Variants in FAM120B observed in about 807,000 individuals in gnomAD.
The protein encoded by FAM120B is constitutive coactivator of peroxisome proliferator-activated receptor gamma.
Under a neutral mutation model 96.3 loss-of-function variants are expected in FAM120B, and 83 were observed. That is an observed-to-expected ratio of 0.86 (90% CI 0.72 to 1.03). FAM120B has a LOEUF of 1.03. Ranked by LOEUF, FAM120B falls within the 50% of genes least tolerant of loss-of-function variation. The pLI, the probability that FAM120B is intolerant of heterozygous loss-of-function variation, is 0.00. For missense variants in FAM120B, 1,027 were observed against 1,121.2 expected (o/e 0.92, Z 1.20); for synonymous variants, 407 against 402.7 (o/e 1.01, Z -0.13).
intron 9 of FAM120B, among the ~76,000 whole-genome samples, chr6:170,397,154 T>A (rs898664966): frequency 2.6e-5 from 4 of 152,100 alleles, no homozygotes; most frequent in Non-Finnish European, 5.9e-5. Context: ...TTAGGGCTGC[T>A]TGGGAAGAGT....
At chr6:170,377,272 C>T (rs1229189677) in intron 6 of FAM120B, among the ~76,000 whole-genome samples, 2 of 112,992 alleles carry the variant, frequency 1.8e-5, no homozygotes, top group Non-Finnish European at 3.4e-5. Context: ...TCACGCTGCT[C>T]GGTGCTGTGC....
chr6:170,314,393 A>G lies in FAM120B; in HGVS notation c.-21-2977A>G, dbSNP rs1303503436. On this transcript the variant is annotated intron_variant, in intron 1 of 10. Transcript: ENST00000476287. ...CAAATACTGGGCCTGTCCCATGCAG[A>G]TGTTGTGCTAGGTGCTGGAATAAGA... Among the ~76,000 whole-genome samples, 37 of 152,144 alleles carry G rather than the reference A, an allele frequency of 2.4e-4. 1 individual carries two copies. The highest frequency in any genetic ancestry group is 2.4e-3 in the Admixed American group (37 of 15,276).
intron 1 of FAM120B, among the ~76,000 whole-genome samples, chr6:170,310,395 A>G (rs570243325): frequency 6.6e-6 from 1 of 152,372 alleles, no homozygotes; most frequent in Non-Finnish European, 1.5e-5. Context: ...AACATCCCAC[A>G]GGGTGGCTCT....
intron 9 of FAM120B, among the ~76,000 whole-genome samples, chr6:170,397,840 A>G (rs777183609): frequency 1.2e-4 from 19 of 152,262 alleles, no homozygotes; most frequent in East Asian, 7.7e-4. Flanking sequence ...AGCAGAACCC[A>G]CCTGACCCAG....
intron 3 of FAM120B, among the ~76,000 whole-genome samples, chr6:170,326,021 C>T (rs1294424213): frequency 6.6e-6 from 1 of 151,964 alleles, no homozygotes; most frequent in Non-Finnish European, 1.5e-5. Flanking sequence ...TCATTCTCCC[C>T]AACATTTTTG....
At chr6:170,354,739 C>T (rs1345114428) in intron 5 of FAM120B, among the ~76,000 whole-genome samples, 3 of 150,192 alleles carry the variant, frequency 2.0e-5, no homozygotes, top group Non-Finnish European at 3.0e-5. Flanking sequence ...CTGGCTAACA[C>T]GGTGAAACCC....
chr6:170,352,565 C>T (rs143481183), intron 5 of FAM120B, among the ~76,000 whole-genome samples: 3 of 152,270 alleles, frequency 2.0e-5, no homozygotes, highest in African/African-American at 7.2e-5. Flanking sequence ...GAGCTGAAAT[C>T]ATAACAAACA....
chr6:170,346,265 C>G (rs112875252), intron 4 of FAM120B, among the ~76,000 whole-genome samples: 1 of 151,828 alleles, frequency 6.6e-6, no homozygotes, highest in African/African-American at 2.4e-5. Context: ...TCTCCCTGCA[C>G]GCTGATGGGG....
In FAM120B at chr6:170,317,787, A is replaced by G; in HGVS notation, c.397A>G (p.Ile133Val). 4.3e-6 allele frequency: 7 copies of G among 1,614,236 alleles called. No homozygotes were observed. Among genetic ancestry groups the G allele is most frequent in the Non-Finnish European group, 5.9e-6 (7 of 1,180,052 alleles). Residue 133 changes from isoleucine (I) to valine (V), a missense_variant, in exon 2 of 11, where the codon ATC becomes GTC. Ile to Val is a conservative substitution (Grantham distance 29, BLOSUM62 3). Around this residue, in one of 3 missense-constraint regions of FAM120B, gnomAD observed 880 missense variants for 980.9 expected, o/e 0.90. Transcript: ENST00000476287. ...KEQPGRNMFF[I>V]PSGLAVFTRF... ...GCAGCCAGGCAGAAATATGTTCTTCATCCCCTCAGGGCTAGCTGTGTTTAC... is the reference window on the plus strand; with the variant it reads ...GCAGCCAGGCAGAAATATGTTCTTCGTCCCCTCAGGGCTAGCTGTGTTTAC...
rs762955354 is a variant in FAM120B, at chr6:170,348,219, A to G, written c.2086A>G (p.Thr696Ala). The change falls in exon 5 of 11, where the codon ACA (threonine) becomes GCA (alanine). Residue 696 changes from threonine (T) to alanine (A), a missense_variant. Thr to Ala is a moderately conservative substitution (Grantham distance 58). Around this residue, in one of 3 missense-constraint regions of FAM120B, gnomAD observed 880 missense variants for 980.9 expected, o/e 0.90. Transcript: ENST00000476287. ...AGAAATACAGGTTCGGCGCTTGGACACACTCCTAGCCTGTTTCAATCTTTC... is the reference window on the plus strand; with the variant it reads ...AGAAATACAGGTTCGGCGCTTGGACGCACTCCTAGCCTGTTTCAATCTTTC... Reference protein sequence around the residue: ...EPEIQVRRLDTLLACFNLSSS... With the variant: ...EPEIQVRRLDALLACFNLSSS... 1 of 1,614,082 alleles carries G rather than the reference A, an allele frequency of 6.2e-7. No homozygotes were observed.
At chr6:170,291,459 G>C (rs1040061092), upstream of FAM120B, among the ~76,000 whole-genome samples, 15 of 152,142 alleles carry the variant, frequency 9.9e-5, no homozygotes, top group Non-Finnish European at 2.1e-4. Flanking sequence ...CGAAGTTCGA[G>C]GCCCGAGCTC....
At chr6:170,325,776 G>A (rs1388844516) in intron 3 of FAM120B, among the ~76,000 whole-genome samples, 2 of 151,380 alleles carry the variant, frequency 1.3e-5, no homozygotes, top group African/African-American at 4.9e-5. Context: ...AGGAGACAGA[G>A]GTTGCAGTGA....
intron 9 of FAM120B, among the ~76,000 whole-genome samples, chr6:170,398,341 T>C (rs61601985): frequency 1.3e-5 from 2 of 151,890 alleles, no homozygotes; most frequent in African/African-American, 4.8e-5. Flanking sequence ...ATGTCATAAC[T>C]CTTAGGAGTG....
At chr6:170,396,230 T>C (rs74686091) in intron 9 of FAM120B, among the ~76,000 whole-genome samples, 2,436 of 152,306 alleles carry the variant, frequency 0.016, 103 homozygotes, top group East Asian at 0.11. Context: ...ACGTCTAAAA[T>C]GTGTAGAGAC....
chr6:170,400,395 C>G (rs1289850474), intron 9 of FAM120B, among the ~76,000 whole-genome samples: 1 of 152,122 alleles, frequency 6.6e-6, no homozygotes, highest in Non-Finnish European at 1.5e-5. Context: ...CTGTTTGGTA[C>G]TGACTCCTCT....
At chr6:170,362,910 CCTG>C (rs1045189915) in intron 6 of FAM120B, among the ~76,000 whole-genome samples, 3 of 151,884 alleles carry the variant, frequency 2.0e-5, no homozygotes, top group African/African-American at 7.3e-5. Flanking sequence ...GTCTCGAACT[CCTG>C]AGCTCAAGCA....
Position 170,316,096 on chromosome 6 carries a change from A to G in FAM120B, c.-21-1274A>G, listed in dbSNP as rs150307610. On this transcript the variant is annotated intron_variant, in intron 1 of 10. Coordinates refer to ENST00000476287, the MANE Select transcript of FAM120B (RefSeq NM_032448.3). Reference sequence around the variant, plus strand: ...AAAAAAAAAAAATCAGTATATTCTTAAAAGATAGTCCTGTGAGGATGCCTT... The same window carrying G: ...AAAAAAAAAAAATCAGTATATTCTTGAAAGATAGTCCTGTGAGGATGCCTT... Among the ~76,000 whole-genome samples, 634 of 149,356 alleles carry G rather than the reference A, an allele frequency of 4.2e-3. 3 individuals carry two copies. The highest frequency in any genetic ancestry group is 0.015 in the African/African-American group (604 of 40,704).
At chr6:170,331,873 G>A (rs1031583841) in intron 4 of FAM120B, among the ~76,000 whole-genome samples, 6 of 152,188 alleles carry the variant, frequency 3.9e-5, no homozygotes, top group Admixed American at 3.3e-4. Context: ...ACCACACATT[G>A]GGTTCTCTTC....
In FAM120B at chr6:170,370,197, C is replaced by T. The variant is rs191316821; in HGVS notation, c.2283+11879C>T. On this transcript the variant is annotated intron_variant, in intron 6 of 10. Transcript: ENST00000476287. The surrounding 1 kb of genome is among the most constrained non-coding windows in gnomAD (Gnocchi z 4.3). ...CTCTGCACCTCACAGACTTCCCCAG[C>T]GGGGCGGCCCCCAGGCCTTGTGTCC... Among the ~76,000 whole-genome samples the T allele has an allele frequency of 6.4e-4, 98 of 152,336 alleles. 1 individual carries two copies. The East Asian group carries it at 0.017, about 26-fold the overall frequency.
Sources: gnomAD v4.1 joint callset for allele counts (sites outside exome capture counted in the v4.1 genomes callset) on GRCh38, gnomAD v4.1.1 for gene constraint, gnomAD v4.1.1 regional missense constraint, Gnocchi (gnomAD v3.1) non-coding constraint, MANE v1.5 for transcripts, NCBI Gene and HGNC (gene_info 2026-07-23, HGNC 2026-07-21) for gene names.